The following CFAP58 variants were observed in gnomAD, a reference collection of about 807,000 sequenced individuals.
CFAP58 encodes cilia and flagella associated protein 58.
A neutral mutation model predicts 119.5 loss-of-function variants in CFAP58; 88 were observed. The ratio of observed to expected loss-of-function variants is 0.74; its 90% confidence interval spans 0.62 to 0.88. The LOEUF is 0.88. Ranked by LOEUF, CFAP58 falls within the 40% of genes least tolerant of loss-of-function variation. The pLI is 0.00. For synonymous variants in CFAP58, 365 were observed against 366.3 expected, an observed-to-expected ratio of 1.00 and a Z score of 0.04; for missense variants, 990 against 1,021.2, an observed-to-expected ratio of 0.97 and a Z score of 0.42.
At chr10:104,357,856 TAC>T (rs71022729) in intron 1 of CFAP58, among the ~76,000 whole-genome samples, 3,664 of 68,318 alleles carry the variant, frequency 0.054, 247 homozygotes, top group South Asian at 0.15. Flanking sequence ...TACACATATA[TAC>T]ACATATATAC....
intron 9 of CFAP58, among the ~76,000 whole-genome samples, chr10:104,381,027 A>AT (rs2011787624): frequency 6.6e-6 from 1 of 151,878 alleles, no homozygotes; most frequent in Non-Finnish European, 1.5e-5. Context: ...GTGTGCTCCT[A>AT]TGATCCCAAC....
chr10:104,358,068 CAT>C (rs1250794619), intron 1 of CFAP58, among the ~76,000 whole-genome samples: 3 of 139,198 alleles, frequency 2.2e-5, no homozygotes, highest in East Asian at 4.0e-4. Context: ...CATATATACA[CAT>C]ATGTACATAT....
rs146194406 is a variant in CFAP58, at chr10:104,426,781, G to A, written c.2256+19988G>A. On this transcript the variant is annotated intron_variant, in intron 15 of 17. Coordinates refer to ENST00000369704, the MANE Select transcript of CFAP58 (RefSeq NM_001008723.2). ...GCTATTGATTTTTGCATACTTGTTT[G>A]TATCCAACCTATCATACTAAATAGC... is the stretch of plus-strand genomic sequence containing the variant. Among the ~76,000 whole-genome samples, 359 of 152,234 alleles carry A rather than the reference G, an allele frequency of 2.4e-3. 1 individual carries two copies. Among genetic ancestry groups the A allele is most frequent in the Admixed American group, 5.6e-3 (85 of 15,290 alleles).
intron 15 of CFAP58, among the ~76,000 whole-genome samples, chr10:104,422,700 A>G (rs2012681094): frequency 6.6e-6 from 1 of 152,212 alleles, no homozygotes; most frequent in Non-Finnish European, 1.5e-5. Context: ...GCTTACTCTC[A>G]TGGTAACAGC....
chr10:104,388,298 G>A (rs184319347), intron 9 of CFAP58, among the ~76,000 whole-genome samples: 124 of 152,234 alleles, frequency 8.1e-4, no homozygotes, highest in South Asian at 2.5e-3. Flanking sequence ...TAATTTGTTA[G>A]CATTTATTAA....
intron 6 of CFAP58, among the ~76,000 whole-genome samples, chr10:104,369,108 G>A (rs1231986955): frequency 1.3e-5 from 2 of 152,114 alleles, no homozygotes; most frequent in Non-Finnish European, 2.9e-5. Context: ...TTTATACTCC[G>A]ATGTATATTG....
At chr10:104,401,455 C>A (rs573451359) in intron 13 of CFAP58, among the ~76,000 whole-genome samples, 1 of 152,200 alleles carries the variant, frequency 6.6e-6, no homozygotes. Context: ...TAGCTTAGTG[C>A]GCCTTCTTCT....
upstream of CFAP58, chr10:104,353,574 C>G (rs2014494191): frequency 2.7e-6 from 1 of 374,408 alleles, no homozygotes; most frequent in Non-Finnish European, 4.9e-6. Flanking sequence ...CTCCATCTGC[C>G]CACACCGTGG....
At position 104,357,798 on chromosome 10, in the gene CFAP58, TATAC is replaced by T. The variant is rs201134897; in HGVS notation, c.10-541_10-538del. ...ATATATGTGTGTTTATATACATATA[TATAC>T]ACACATATATATGTACATATATACA... On this transcript the variant is annotated intron_variant, in intron 1 of 17. Transcript: ENST00000369704. Among the ~76,000 whole-genome samples the T allele has an allele frequency of 1.7e-3, 249 of 146,194 alleles. 12 individuals carry two copies. Among genetic ancestry groups the T allele is most frequent in the African/African-American group, 6.6e-3 (243 of 36,562 alleles).
rs147314126 is a variant in CFAP58, at chr10:104,400,722, C to T, written c.1858C>T (p.Arg620Cys). 8.7e-5 allele frequency: 141 copies of T among 1,614,056 alleles called. 2 individuals carry two copies. In the East Asian group the frequency reaches 1.4e-3, roughly 16 times the overall value. Residue 620 changes from arginine (R) to cysteine (C), a missense_variant, in exon 13 of 18, where the codon CGC (arginine) becomes TGC (cysteine). By Grantham distance (180) the Arg-to-Cys change is radical. Transcript: ENST00000369704. ...TATCCTGGGGTCTCAGCTTGTTCGG[C>T]GCAATGATGAGTTAGCTTTGCTCTA... Reference protein sequence around the residue: ...RDILGSQLVRRNDELALLYEK... With the variant: ...RDILGSQLVRCNDELALLYEK...
upstream of CFAP58, chr10:104,353,612 G>A (rs2014495566): frequency 2.2e-6 from 1 of 445,342 alleles, no homozygotes; most frequent in Non-Finnish European, 4.1e-6. Flanking sequence ...CAGGGGCACC[G>A]CCCCCTCACT....
chr10:104,353,795 CGA>C (rs1366448007), upstream of CFAP58: 1 of 1,418,338 alleles, frequency 7.1e-7, no homozygotes, highest in African/African-American at 1.4e-5. Context: ...TCGGGGCGGG[CGA>C]TAGAGACAGC....
chr10:104,395,396 C>G (rs569884174), intron 11 of CFAP58, among the ~76,000 whole-genome samples: 2 of 152,236 alleles, frequency 1.3e-5, no homozygotes, highest in South Asian at 4.1e-4. Flanking sequence ...TTTAGGTCAT[C>G]GATTATAGGA....
the CFAP58 span, among the ~76,000 whole-genome samples, chr10:104,342,075 C>T: frequency 6.6e-6 from 1 of 152,202 alleles, no homozygotes; most frequent in South Asian, 2.1e-4. Flanking sequence ...GTTTTTCTCA[C>T]ATCAGAAGCT....
At chr10:104,367,196 A>C (rs1261882594) in intron 5 of CFAP58, among the ~76,000 whole-genome samples, 1 of 152,050 alleles carries the variant, frequency 6.6e-6, no homozygotes, top group Non-Finnish European at 1.5e-5. Flanking sequence ...AGTTTAGCAA[A>C]CTAGGGTCAG....
At chr10:104,417,930 C>T (rs890914288) in intron 15 of CFAP58, among the ~76,000 whole-genome samples, 6 of 152,122 alleles carry the variant, frequency 3.9e-5, no homozygotes, top group African/African-American at 1.4e-4. Flanking sequence ...TAAACTATGG[C>T]CCACAGTGGG....
intron 1 of CFAP58, 126 bp downstream of exon 1, chr10:104,354,032 C>T: frequency 8.4e-7 from 1 of 1,193,866 alleles, no homozygotes; most frequent in South Asian, 1.4e-5. Flanking sequence ...CCCCTGCACC[C>T]TCACTCACTC....
At chr10:104,378,320 A>C (rs1419826546) in intron 8 of CFAP58, among the ~76,000 whole-genome samples, 1 of 152,188 alleles carries the variant, frequency 6.6e-6, no homozygotes, top group African/African-American at 2.4e-5. Flanking sequence ...AAGTGGCTTT[A>C]TCTTTTATAG....
intron 3 of CFAP58, 83 bp from the exon 4 acceptor site, chr10:104,364,650 C>T: frequency 7.8e-7 from 1 of 1,276,858 alleles, no homozygotes; most frequent in East Asian, 2.5e-5. Context: ...ACATCTTTCC[C>T]ATGAAAATGA....
Sources: gnomAD v4.1 joint callset for allele counts (sites outside exome capture counted in the v4.1 genomes callset) on GRCh38, gnomAD v4.1.1 for gene constraint, MANE v1.5 for transcripts, NCBI Gene and HGNC (gene_info 2026-07-23, HGNC 2026-07-21) for gene names.